The following OLFM4 variants were observed in gnomAD, a reference collection of about 807,000 sequenced individuals.
OLFM4 encodes the protein olfactomedin-4.
Under a neutral mutation model 25.5 loss-of-function variants are expected in OLFM4, and 22 were observed. That is an observed-to-expected ratio of 0.86 (90% CI 0.62 to 1.23). OLFM4 has a LOEUF of 1.23. Ranked by LOEUF, OLFM4 falls within the 50% of genes most tolerant of loss-of-function variation. OLFM4 has a pLI of 0.00. For missense variants in OLFM4, 594 were observed against 619.4 expected, an observed-to-expected ratio of 0.96 and a Z score of 0.44; for synonymous variants, 255 against 237.7, an observed-to-expected ratio of 1.07 and a Z score of -0.67.
chr13:53,050,476 C>T lies in OLFM4; in HGVS notation c.1238C>T (p.Thr413Ile). The T allele has an allele frequency of 1.2e-6, 2 of 1,614,038 alleles. No individual in the cohort carries two copies. The highest frequency in any genetic ancestry group is 1.1e-5 in the South Asian group (1 of 91,076). ...ATGGTGATTAGTAAACTCAATGACACCACACTTCAGGTGCTAAACACTTGG... is the reference window on the plus strand; with the variant it reads ...ATGGTGATTAGTAAACTCAATGACATCACACTTCAGGTGCTAAACACTTGG... Reference protein sequence around the residue: ...GNMVISKLNDTTLQVLNTWYT... With the variant: ...GNMVISKLNDITLQVLNTWYT... The change falls in exon 5 of 5, where the codon ACC becomes ATC. Residue 413 changes from threonine (T) to isoleucine (I), a missense_variant. Physicochemically the swap from Thr to Ile is moderately conservative, Grantham distance 89. Transcript: ENST00000219022.
chr13:53,050,235 G>A lies in OLFM4; in HGVS notation c.997G>A (p.Val333Ile), dbSNP rs199634111. The change falls in exon 5 of 5, where the codon GTT (valine) becomes ATT (isoleucine). Residue 333 changes from valine to isoleucine, a missense_variant. Transcript: ENST00000219022. ...ITYGQGSGTAVYNNNMYVNMY... is the reference protein window; with the variant it reads ...ITYGQGSGTAIYNNNMYVNMY... ...CTATGGCCAAGGTAGTGGTACAGCA[G>A]TTTACAACAACAACATGTACGTCAA... The A allele has an allele frequency of 1.2e-6, 2 of 1,614,066 alleles. No individual in the cohort carries two copies. Among genetic ancestry groups the A allele is most frequent in the East Asian group, 4.5e-5 (2 of 44,874 alleles).
At chr13:53,033,328 C>T (rs1954638865) in intron 1 of OLFM4, among the ~76,000 whole-genome samples, 1 of 152,166 alleles carries the variant, frequency 6.6e-6, no homozygotes, top group Non-Finnish European at 1.5e-5. Flanking sequence ...AACCTTCAAG[C>T]TCATACGCTA....
At chr13:53,032,310 A>G (rs181261239) in intron 1 of OLFM4, among the ~76,000 whole-genome samples, 4 of 152,186 alleles carry the variant, frequency 2.6e-5, no homozygotes, top group Middle Eastern at 3.4e-3. Flanking sequence ...TTGTGCAGCT[A>G]ATTAAACTCC....
intron 2 of OLFM4, among the ~76,000 whole-genome samples, chr13:53,040,560 G>A (rs1464873948): frequency 3.3e-5 from 5 of 152,242 alleles, no homozygotes; most frequent in African/African-American, 7.2e-5. Flanking sequence ...GGAGGGTGGT[G>A]TTGGCCGTGG....
chr13:53,041,669 T>C (rs144988763), intron 2 of OLFM4, among the ~76,000 whole-genome samples: 18 of 152,350 alleles, frequency 1.2e-4, no homozygotes, highest in African/African-American at 3.8e-4. Context: ...ATGATGATGC[T>C]GAAGCAAAAT....
rs760272867 is a variant in OLFM4, at chr13:53,050,705, A to G, written c.1467A>G (p.Lys489=). Residue 489 remains lysine (K), a synonymous_variant, in exon 5 of 5, where the codon AAA becomes AAG. Coordinates refer to ENST00000219022, the MANE Select transcript of OLFM4 (RefSeq NM_006418.5). ...QSINYNPFDQ[K]LYVYNDGYLL... The stretch of plus-strand genomic sequence containing the variant: ...TTAACTATAACCCTTTTGACCAGAA[A>G]CTTTATGTCTATAACGATGGTTACC... 7.4e-6 allele frequency: 12 copies of G among 1,613,172 alleles called. No homozygotes were observed. The highest frequency in any genetic ancestry group is 1.0e-5 in the Non-Finnish European group (12 of 1,179,730).
chr13:53,043,142 C>T lies in OLFM4; in HGVS notation c.608C>T (p.Thr203Ile). The change falls in exon 4 of 5, where the codon ACA (threonine) becomes ATA (isoleucine). Residue 203 changes from threonine (T) to isoleucine (I), a missense_variant. Coordinates refer to ENST00000219022, the MANE Select transcript of OLFM4 (RefSeq NM_006418.5). The part of the protein sequence containing the change: ...NMTLLVEKLE[T>I]LDKNNVLAIR... ...ACTCTCTTGGTAGAGAAGCTTGAGA[C>T]ACTAGACAAAAACAATGTCCTTGCC... The T allele has an allele frequency of 6.2e-7, 1 of 1,611,914 alleles. No individual in the cohort carries two copies.
In OLFM4 at chr13:53,041,933, T is replaced by A; in HGVS notation, c.381T>A (p.Ile127=). The change falls in exon 3 of 5, where the codon ATT becomes ATA. Residue 127 remains isoleucine, a synonymous_variant. Transcript: ENST00000219022. ...LSKVREYVQL[I]SVYEKKLLNL... is the part of the protein sequence containing the mutation. Reference sequence around the variant, plus strand: ...AGGTGAGGGAATATGTCCAATTAATTAGTGTGTATGAAAAGAAACTGTTAA... The same window carrying A: ...AGGTGAGGGAATATGTCCAATTAATAAGTGTGTATGAAAAGAAACTGTTAA... 6.2e-7 allele frequency: 1 copy of A among 1,613,748 alleles called. No individual in the cohort carries two copies. The highest frequency in any genetic ancestry group is 8.5e-7 in the Non-Finnish European group (1 of 1,179,690).
intron 1 of OLFM4, among the ~76,000 whole-genome samples, chr13:53,034,056 C>CAAAAAAAAAAAA (rs397851637): frequency 2.4e-5 from 1 of 41,068 alleles, no homozygotes; most frequent in Non-Finnish European, 5.8e-5. Context: ...GACTCCGTCT[C>CAAAAAAAAAAAA]AAAAAAAAAA....
In OLFM4 at chr13:53,043,186, G is replaced by A; in HGVS notation, c.652G>A (p.Ala218Thr). ...CCTTGCCATTCGCCGAGAAATCGTG[G>A]CTCTGAAGACCAAGCTGAAAGAGTG... Reference protein sequence around the residue: ...NVLAIRREIVALKTKLKECEA... With the variant: ...NVLAIRREIVTLKTKLKECEA... Residue 218 changes from alanine (A) to threonine (T), a missense_variant, in exon 4 of 5, where the codon GCT becomes ACT. By Grantham distance (58) the Ala-to-Thr change is moderately conservative. Transcript: ENST00000219022. 6.2e-7 allele frequency: 1 copy of A among 1,613,428 alleles called. No individual in the cohort carries two copies. Among genetic ancestry groups the A allele is most frequent in the Non-Finnish European group, 8.5e-7 (1 of 1,179,658 alleles).
chr13:53,029,143 A>G, intron 1 of OLFM4, 103 bp downstream of exon 1: 6 of 1,504,700 alleles, frequency 4.0e-6, no homozygotes, highest in Non-Finnish European at 5.4e-6. Context: ...GGCACTCTAA[A>G]AGATTTACGA....
chr13:53,050,157 A>G lies in OLFM4; in HGVS notation c.919A>G (p.Asn307Asp). Residue 307 changes from asparagine to aspartate, a missense_variant, in exon 5 of 5, where the codon AAC (asparagine) becomes GAC (aspartate). Coordinates refer to ENST00000219022, the MANE Select transcript of OLFM4 (RefSeq NM_006418.5). ...GRLLEYYRLY[N>D]TLDDLLLYIN... ...ACTGTTGGAGTATTATAGACTGTAC[A>G]ACACACTGGATGATTTGCTATTGTA... The G allele has an allele frequency of 1.2e-6, 2 of 1,613,976 alleles. No individual in the cohort carries two copies. Among genetic ancestry groups the G allele is most frequent in the Non-Finnish European group, 1.7e-6 (2 of 1,179,936 alleles).
intron 2 of OLFM4, among the ~76,000 whole-genome samples, chr13:53,039,265 T>C (rs773866798): frequency 7.2e-5 from 11 of 152,242 alleles, no homozygotes; most frequent in Non-Finnish European, 1.5e-4. Flanking sequence ...CAAACTTCCA[T>C]TTCTGTAATG....
chr13:53,048,946 CTTTAT>C (rs1954729877), intron 4 of OLFM4, among the ~76,000 whole-genome samples: 2 of 152,092 alleles, frequency 1.3e-5, no homozygotes, highest in Admixed American at 6.6e-5. Flanking sequence ...ACTGGAGGAA[CTTTAT>C]TTTATTTTTA....
chr13:53,050,289 G>A lies in OLFM4; in HGVS notation c.1051G>A (p.Val351Ile). The A allele has an allele frequency of 6.2e-7, 1 of 1,614,028 alleles. No individual in the cohort carries two copies. The highest frequency in any genetic ancestry group is 8.5e-7 in the Non-Finnish European group (1 of 1,179,960). Residue 351 changes from valine (V) to isoleucine (I), a missense_variant, in exon 5 of 5, where the codon GTT (valine) becomes ATT (isoleucine). Transcript: ENST00000219022. ...GTACAACACCGGGAATATTGCCAGAGTTAACCTGACCACCAACACGATTGC... is the reference window on the plus strand; with the variant it reads ...GTACAACACCGGGAATATTGCCAGAATTAACCTGACCACCAACACGATTGC... ...NMYNTGNIAR[V>I]NLTTNTIAVT...
At chr13:53,047,303 T>TG (rs1454813231) in intron 4 of OLFM4, among the ~76,000 whole-genome samples, 4 of 151,942 alleles carry the variant, frequency 2.6e-5, no homozygotes, top group Non-Finnish European at 2.9e-5. Flanking sequence ...GAAGATGGGA[T>TG]GGGGGGATGG....
intron 2 of OLFM4, among the ~76,000 whole-genome samples, chr13:53,041,512 C>T (rs1593480391): frequency 6.6e-6 from 1 of 152,208 alleles, no homozygotes; most frequent in East Asian, 1.9e-4. Flanking sequence ...ACAAAAAAAT[C>T]TATTGGGTGC....
At position 53,042,142 on chromosome 13, in the gene OLFM4, C is replaced by A. The variant is rs1195378025; in HGVS notation, c.570+20C>A. On this transcript the variant is annotated intron_variant, in intron 3 of 4. Coordinates refer to ENST00000219022, the MANE Select transcript of OLFM4 (RefSeq NM_006418.5). ...GTGGAGGTAAGGAGTGAACTCACTTCTTGGTAAATTAATAATAAACTCCCT... is the reference window on the plus strand; with the variant it reads ...GTGGAGGTAAGGAGTGAACTCACTTATTGGTAAATTAATAATAAACTCCCT... 6.2e-7 allele frequency: 1 copy of A among 1,605,396 alleles called. No individual in the cohort carries two copies. The highest frequency in any genetic ancestry group is 2.2e-5 in the East Asian group (1 of 44,764).
intron 4 of OLFM4, among the ~76,000 whole-genome samples, chr13:53,049,551 G>T (rs1016641148): frequency 1.3e-5 from 2 of 152,142 alleles, no homozygotes; most frequent in Non-Finnish European, 2.9e-5. Flanking sequence ...GGGTAGGATT[G>T]TGGAATAATC....
Sources: gnomAD v4.1 joint callset for allele counts (sites outside exome capture counted in the v4.1 genomes callset) on GRCh38, gnomAD v4.1.1 for gene constraint, MANE v1.5 for transcripts, NCBI Gene and HGNC (gene_info 2026-07-23, HGNC 2026-07-21) for gene names.